Variants in DOP1A observed in about 807,000 individuals in gnomAD.
The protein encoded by DOP1A is DOP1 leucine zipper like protein A.
Under a neutral mutation model 267.6 loss-of-function variants are expected in DOP1A, and 90 were observed. The ratio of observed to expected loss-of-function variants is 0.34; its 90% CI spans 0.28 to 0.40. DOP1A has a LOEUF of 0.40. Among genes scored for constraint, DOP1A ranks in the 10% least tolerant of loss-of-function variants. The probability of loss-of-function intolerance (pLI) is 1.00; values close to 1 mark genes in which losing one functional copy is unlikely to be tolerated. For synonymous variants in DOP1A, 932 were observed against 999.1 expected (o/e 0.93, Z 1.27); for missense variants, 2,437 against 2,900.4 (o/e 0.84, Z 3.67).
At chr6:83,127,753 T>C (rs1055110537) in intron 15 of DOP1A, among the ~76,000 whole-genome samples, 4 of 152,104 alleles carry the variant, frequency 2.6e-5, no homozygotes, top group Non-Finnish European at 4.4e-5. Context: ...GACTTAGTAA[T>C]AGATTGATAA....
At position 83,162,787 on chromosome 6, in the gene DOP1A, T is replaced by C; in HGVS notation, c.6963-3T>C. 1 of 1,610,750 alleles carries C rather than the reference T, an allele frequency of 6.2e-7. No individual in the cohort carries two copies. The highest frequency in any genetic ancestry group is 1.3e-5 in the African/African-American group (1 of 74,890). ...GATGCTGATGTCATTATTCTATACA[T>C]AGGTACCGATGGGCCTTTATTCCAG... On this transcript the variant is annotated splice_region_variant and splice_polypyrimidine_tract_variant and intron_variant, in intron 37 of 38. Transcript: ENST00000349129.
At chr6:83,105,928 C>T (rs1259345067) in intron 4 of DOP1A, among the ~76,000 whole-genome samples, 4 of 152,088 alleles carry the variant, frequency 2.6e-5, no homozygotes, top group East Asian at 3.9e-4. Context: ...TAGTATGTTA[C>T]GTAAAATTAA....
chr6:83,138,593 T>C lies in DOP1A; in HGVS notation c.4551T>C (p.Asp1517=). ...SAKGFPSFIS[D]MLSKCKVQKV... is the part of the protein sequence containing the mutation. The stretch of plus-strand genomic sequence containing the variant: ...AGGGTTTCCCTAGTTTTATTTCTGA[T>C]ATGTTATCTAAGTGCAAAGTTCAGA... Residue 1517 remains aspartate (D), a synonymous_variant, in exon 21 of 39, where the codon GAT becomes GAC. Coordinates refer to ENST00000349129, the MANE Select transcript of DOP1A (RefSeq NM_015018.4). The C allele has an allele frequency of 6.2e-7, 1 of 1,613,764 alleles. No individual in the cohort carries two copies. Among genetic ancestry groups the C allele is most frequent in the East Asian group, 2.2e-5 (1 of 44,882 alleles).
At chr6:83,075,347 G>A (rs1766895969) in intron 1 of DOP1A, among the ~76,000 whole-genome samples, 1 of 152,166 alleles carries the variant, frequency 6.6e-6, no homozygotes, top group South Asian at 2.1e-4. Context: ...CACCCCTGGA[G>A]TCACAGTTCA....
Position 83,129,397 on chromosome 6 carries a change from C to T in DOP1A, c.2230C>T (p.Leu744=), listed in dbSNP as rs1323009334. The T allele has an allele frequency of 6.2e-7, 1 of 1,611,454 alleles. No individual in the cohort carries two copies. Among genetic ancestry groups the T allele is most frequent in the Non-Finnish European group, 8.5e-7 (1 of 1,179,188 alleles). The change falls in exon 16 of 39, where the codon CTG becomes TTG. Residue 744 remains leucine (L), a synonymous_variant. Transcript: ENST00000349129. Reference sequence around the variant, plus strand: ...TAAACAAAAAACTTCTAAAGAATACCTGTCTGCCTTCCTTGCTGCCTGTCA... The same window carrying T: ...TAAACAAAAAACTTCTAAAGAATACTTGTCTGCCTTCCTTGCTGCCTGTCA... The part of the protein sequence containing the change: ...ISKQKTSKEY[L]SAFLAACQLF...
intron 1 of DOP1A, among the ~76,000 whole-genome samples, chr6:83,086,776 T>C (rs1769335744): frequency 6.6e-6 from 1 of 152,134 alleles, no homozygotes; most frequent in Non-Finnish European, 1.5e-5. Flanking sequence ...TCACGGAGTC[T>C]GAAGAGTGAA....
intron 1 of DOP1A, among the ~76,000 whole-genome samples, chr6:83,091,355 C>T (rs1453057141): frequency 6.6e-6 from 1 of 152,034 alleles, no homozygotes; most frequent in Admixed American, 6.5e-5. Flanking sequence ...CAAAATGTCT[C>T]TTCTCATTTT....
At chr6:83,099,048 A>G (rs886814332) in intron 3 of DOP1A, among the ~76,000 whole-genome samples, 1 of 151,772 alleles carries the variant, frequency 6.6e-6, no homozygotes, top group African/African-American at 2.4e-5. Context: ...AGGGAGAAAA[A>G]GGAGATGAGA....
intron 15 of DOP1A, 63 bp downstream of exon 15, chr6:83,125,796 TTAG>T: frequency 7.3e-7 from 1 of 1,368,646 alleles, no homozygotes; most frequent in Non-Finnish European, 1.0e-6. Context: ...GAACAGTTAC[TTAG>T]TAAAATCACT....
chr6:83,093,823 T>C (rs1770934494), intron 1 of DOP1A, among the ~76,000 whole-genome samples: 1 of 152,170 alleles, frequency 6.6e-6, no homozygotes. Context: ...GGAGAATCGC[T>C]TGAGCCCAGG....
rs1231886183 is a variant in DOP1A at position 83,076,404 on chromosome 6, C to G, written c.-147+8625C>G. On this transcript the variant is annotated intron_variant, in intron 1 of 38. Coordinates refer to ENST00000349129, the MANE Select transcript of DOP1A (RefSeq NM_015018.4). ...GGGCGTGGTGGTGCACACCTGTAGT[C>G]CCAGCTATTCAGGAGGCTGAGGCAA... is the stretch of plus-strand genomic sequence containing the variant. 5.3e-5 allele frequency among the ~76,000 whole-genome samples: 8 copies of G among 152,100 alleles called. No homozygotes were observed. In the East Asian group the frequency reaches 1.3e-3, roughly 26 times the overall value.
intron 27 of DOP1A, among the ~76,000 whole-genome samples, chr6:83,149,335 G>C (rs944603146): frequency 6.6e-6 from 1 of 152,178 alleles, no homozygotes; most frequent in East Asian, 1.9e-4. Flanking sequence ...CAAGTACTGG[G>C]ATGTCATAGT....
chr6:83,168,990 A>G, downstream of DOP1A: 1 of 1,288,328 alleles, frequency 7.8e-7, no homozygotes. Flanking sequence ...TGAATTGTAT[A>G]CTTAAGTCCC....
intron 1 of DOP1A, among the ~76,000 whole-genome samples, chr6:83,071,454 C>T (rs1272920297): frequency 1.3e-5 from 2 of 152,084 alleles, no homozygotes; most frequent in African/African-American, 2.4e-5. Context: ...TTATCCGCCT[C>T]GCCTCTGCCT....
Position 83,151,653 on chromosome 6 carries a change from C to G in DOP1A, c.5898C>G (p.Asp1966Glu), listed in dbSNP as rs780823942. The change falls in exon 28 of 39, where the codon GAC (aspartate) becomes GAG (glutamate). Residue 1966 changes from aspartate (D) to glutamate (E), a missense_variant. Coordinates refer to ENST00000349129, the MANE Select transcript of DOP1A (RefSeq NM_015018.4). ...TGGAAAATAAAAAAGACCAAAGAGA[C>G]CTTCAGGTAAGGCAGTCTAAGAGCT... Reference protein sequence around the residue: ...PSLENKKDQRDLQDVTHKIVD... With the variant: ...PSLENKKDQRELQDVTHKIVD... The G allele has an allele frequency of 9.2e-5, 148 of 1,607,334 alleles. No homozygotes were observed. The highest frequency in any genetic ancestry group is 1.2e-4 in the Non-Finnish European group (145 of 1,177,802).
intron 27 of DOP1A, among the ~76,000 whole-genome samples, chr6:83,149,214 G>C (rs1011609146): frequency 7.9e-5 from 12 of 152,100 alleles, no homozygotes; most frequent in African/African-American, 2.7e-4. Context: ...ACTTGAGCTG[G>C]GCCCCAAACC....
intron 1 of DOP1A, among the ~76,000 whole-genome samples, chr6:83,088,262 AC>A (rs1769672039): frequency 6.6e-6 from 1 of 152,156 alleles, no homozygotes; most frequent in South Asian, 2.1e-4. Context: ...TCTGTTGAGC[AC>A]ATATCTGAAG....
chr6:83,102,680 G>A (rs1166657478), intron 4 of DOP1A, among the ~76,000 whole-genome samples: 3 of 152,056 alleles, frequency 2.0e-5, no homozygotes, highest in African/African-American at 7.2e-5. Context: ...TCTCCACATA[G>A]TACCAGTGTA....
chr6:83,093,883 C>G (rs1315371585), intron 1 of DOP1A, among the ~76,000 whole-genome samples: 3 of 152,136 alleles, frequency 2.0e-5, no homozygotes, highest in Non-Finnish European at 2.9e-5. Context: ...TCCAGCACTC[C>G]AACCTGGGTG....
Sources: allele counts gnomAD v4.1 joint callset (sites outside exome capture counted in the v4.1 genomes callset), GRCh38; gene constraint gnomAD v4.1.1; transcripts MANE v1.5; gene names NCBI Gene and HGNC (gene_info 2026-07-23, HGNC 2026-07-21).